ULK4: variants seen among roughly 807,000 people sequenced by gnomAD.
ULK4 encodes the protein unc-51 like kinase 4, also known as inactive serine/threonine-protein kinase ULK4.
Under a neutral mutation model 160.6 loss-of-function variants are expected in ULK4, and 133 were observed. That is an observed-to-expected ratio of 0.83 (90% CI 0.72 to 0.96). The LOEUF (loss-of-function observed/expected upper bound fraction) is 0.96, where lower values mean the gene tolerates loss of function less well. Ranked by LOEUF, ULK4 falls within the 40% of genes least tolerant of loss-of-function variation. The pLI is 0.00. For missense variants in ULK4, 1,580 were observed against 1,499.5 expected, an observed-to-expected ratio of 1.05 and a Z score of -0.89; for synonymous variants, 534 against 539.8, an observed-to-expected ratio of 0.99 and a Z score of 0.15.
intron 35 of ULK4, among the ~76,000 whole-genome samples, chr3:41,371,674 T>A (rs1405403405): frequency 2.0e-5 from 3 of 151,890 alleles, no homozygotes; most frequent in Non-Finnish European, 4.4e-5. Flanking sequence ...TGTAAATAAA[T>A]CCACAAAGAT....
At chr3:41,772,440 A>C (rs1031024285) in intron 21 of ULK4, among the ~76,000 whole-genome samples, 6 of 151,992 alleles carry the variant, frequency 3.9e-5, no homozygotes, top group African/African-American at 1.2e-4. Context: ...TACTATAAAC[A>C]CCTCTACGCA....
At chr3:41,519,046 A>AC (rs2085842245) in intron 32 of ULK4, among the ~76,000 whole-genome samples, 1 of 152,000 alleles carries the variant, frequency 6.6e-6, no homozygotes, top group African/African-American at 2.4e-5. Flanking sequence ...CCCACCTCCC[A>AC]CCCCTGCTGG....
intron 35 of ULK4, among the ~76,000 whole-genome samples, chr3:41,297,168 TGCCTCCGTGAGC>T (rs1456829429): frequency 2.6e-5 from 4 of 152,242 alleles, no homozygotes; most frequent in African/African-American, 9.6e-5. Flanking sequence ...TCCCTCCTGC[TGCCTCCGTGAGC>T]GCCTGCTGTG....
chr3:41,716,844 AG>A lies in ULK4; in HGVS notation c.2455+883del, dbSNP rs1208312542. On this transcript the variant is annotated intron_variant, in intron 23 of 36. Transcript: ENST00000301831. The stretch of plus-strand genomic sequence containing the variant: ...TAAACATCCTTTGCAAATCATTATT[AG>A]ATGTTTTATCTTAAGATAAATTTTT... Among the ~76,000 whole-genome samples, 4 of 152,342 alleles carry A rather than the reference AG, an allele frequency of 2.6e-5. No individual in the cohort carries two copies. The East Asian group carries it at 5.8e-4, about 22-fold the overall frequency.
rs1466221312 is a variant in ULK4 at position 41,592,319 on chromosome 3, T to A, written c.3120+23350A>T. Among the ~76,000 whole-genome samples the A allele has an allele frequency of 5.9e-5, 9 of 152,270 alleles. No homozygotes were observed. The East Asian group carries it at 1.2e-3, about 20-fold the overall frequency. ...AGAGGAAGCAGCGGGAAAAGCCCTG[T>A]GGGCTCTCTGGGTCCCCTGGGTAAA... On this transcript the variant is annotated intron_variant, in intron 31 of 36. Transcript: ENST00000301831.
chr3:41,612,604 T>C (rs1269418510), intron 31 of ULK4, among the ~76,000 whole-genome samples: 2 of 152,206 alleles, frequency 1.3e-5, no homozygotes, highest in Non-Finnish European at 2.9e-5. Context: ...TTTCAATTGG[T>C]TTTTTATTTA....
intron 29 of ULK4, 78 bp downstream of exon 29, chr3:41,681,430 C>T: frequency 1.0e-5 from 16 of 1,580,086 alleles, no homozygotes; most frequent in Non-Finnish European, 1.4e-5. Context: ...ACCCCAACCC[C>T]ATCACTGAAC....
rs761337065 is a variant in ULK4 at position 41,479,678 on chromosome 3, A to G, written c.3227-16425T>C. Reference sequence around the variant, plus strand: ...GAAGCTAGGGCCTGTGAAAAACAGCAGAGACAGGTAGGGCAGAAGAGTAGA... The same window carrying G: ...GAAGCTAGGGCCTGTGAAAAACAGCGGAGACAGGTAGGGCAGAAGAGTAGA... On this transcript the variant is annotated intron_variant, in intron 32 of 36. Transcript: ENST00000301831. 1.4e-4 allele frequency among the ~76,000 whole-genome samples: 22 copies of G among 152,166 alleles called. 1 individual carries two copies. Among genetic ancestry groups the G allele is most frequent in the Admixed American group, 6.5e-5 (1 of 15,278 alleles).
intron 17 of ULK4, among the ~76,000 whole-genome samples, chr3:41,878,692 A>G (rs1697400553): frequency 6.6e-6 from 1 of 151,424 alleles, no homozygotes. Context: ...AAAAAAAAAA[A>G]AAAAGAGTGA....
chr3:41,422,287 A>G (rs1187187174), intron 34 of ULK4, among the ~76,000 whole-genome samples: 1 of 152,110 alleles, frequency 6.6e-6, no homozygotes, highest in Admixed American at 6.5e-5. Context: ...CTTTGGTGAT[A>G]TTTATATTCA....
intron 36 of ULK4, among the ~76,000 whole-genome samples, chr3:41,248,636 C>T (rs915647300): frequency 1.3e-5 from 2 of 152,198 alleles, no homozygotes; most frequent in East Asian, 3.8e-4. Flanking sequence ...CAAAGCACAC[C>T]AGGAAGCAGA....
At chr3:41,378,349 A>C (rs945050685) in intron 35 of ULK4, among the ~76,000 whole-genome samples, 1 of 151,942 alleles carries the variant, frequency 6.6e-6, no homozygotes, top group African/African-American at 2.4e-5. Context: ...CAATGTGCAC[A>C]TGTACCCTAA....
intron 19 of ULK4, among the ~76,000 whole-genome samples, chr3:41,807,645 A>C (rs567266507): frequency 1.1e-4 from 16 of 152,334 alleles, no homozygotes; most frequent in Non-Finnish European, 2.4e-4. Context: ...AAAGTAGTAA[A>C]TTCTCAATAA....
In ULK4 at chr3:41,884,074, G is replaced by A. The variant is rs1337633415; in HGVS notation, c.1578-122C>T. On this transcript the variant is annotated intron_variant, in intron 16 of 36. Transcript: ENST00000301831. ...TAAGACTGAGAAATAAAAATTGAAT[G>A]TGACAGGTCAGGCCCACACTCCCAC... 9.6e-6 allele frequency: 7 copies of A among 731,508 alleles called. No homozygotes were observed. In the East Asian group the frequency reaches 1.1e-4, roughly 11 times the overall value. 45.3% of individuals were successfully genotyped at this position (731,508 alleles called of 1,614,324 possible). A position where few individuals can be genotyped will look rare whatever the true frequency, so the allele number is the denominator to read the frequency against.
intron 34 of ULK4, among the ~76,000 whole-genome samples, chr3:41,444,578 G>A (rs867335084): frequency 5.9e-5 from 9 of 151,952 alleles, no homozygotes; most frequent in Non-Finnish European, 1.3e-4. Flanking sequence ...CTTGAGATTT[G>A]GTTATTAGAG....
chr3:41,392,403 AAAGT>A (rs1477706545), intron 35 of ULK4, among the ~76,000 whole-genome samples: 1 of 152,146 alleles, frequency 6.6e-6, no homozygotes, highest in Admixed American at 6.5e-5. Flanking sequence ...GTAGTTTTAG[AAAGT>A]AATTGTCACA....
rs1175611262 is a variant in ULK4 at position 41,681,490 on chromosome 3, C to T, written c.2978+18G>A. ...TAGCCTACACTTCTCTGCATGAATA[C>T]AACTGCATGATACTTACTGGGGAAG... On this transcript the variant is annotated intron_variant, in intron 29 of 36. Transcript: ENST00000301831. 4 of 1,613,354 alleles carry T rather than the reference C, an allele frequency of 2.5e-6. No individual in the cohort carries two copies. The highest frequency in any genetic ancestry group is 1.7e-5 in the Admixed American group (1 of 59,920).
At chr3:41,873,483 T>G (rs1274356658) in intron 17 of ULK4, among the ~76,000 whole-genome samples, 1 of 152,210 alleles carries the variant, frequency 6.6e-6, no homozygotes, top group African/African-American at 2.4e-5. Context: ...TTCTTGTTCA[T>G]TCACATGTGT....
intron 35 of ULK4, among the ~76,000 whole-genome samples, chr3:41,251,444 A>G (rs2125668246): frequency 6.6e-6 from 1 of 152,336 alleles, no homozygotes; most frequent in East Asian, 1.9e-4. Flanking sequence ...AACACTGAAA[A>G]GCAAACAGCA....
Sources: allele counts gnomAD v4.1 joint callset (sites outside exome capture counted in the v4.1 genomes callset), GRCh38; gene constraint gnomAD v4.1.1; transcripts MANE v1.5; gene names NCBI Gene and HGNC (gene_info 2026-07-23, HGNC 2026-07-21).